The following ZFHX3 variants were observed in gnomAD, a reference collection of about 807,000 sequenced individuals.
ZFHX3 encodes the protein zinc finger homeobox protein 3.
In ZFHX3, 42 loss-of-function variants were observed where a neutral mutation model predicts 279.1. The ratio of observed to expected loss-of-function variants is 0.15; its 90% CI spans 0.12 to 0.19. ZFHX3 has a LOEUF of 0.19. Among genes scored for constraint, ZFHX3 ranks in the 10% least tolerant of loss-of-function variants. ZFHX3 has a pLI of 1.00. For missense variants in ZFHX3, 4,981 were observed against 4,754.0 expected, an observed-to-expected ratio of 1.05 and a Z score of -1.40; for synonymous variants, 2,293 against 1,957.8, an observed-to-expected ratio of 1.17 and a Z score of -4.52.
intron 7 of ZFHX3, among the ~76,000 whole-genome samples, chr16:73,105,826 C>G (rs1966296654): frequency 6.6e-6 from 1 of 152,054 alleles, no homozygotes; most frequent in South Asian, 2.1e-4. Context: ...CTTTCCAAGT[C>G]AAAAATTCTT....
intron 5 of ZFHX3, among the ~76,000 whole-genome samples, chr16:73,242,926 C>T (rs527368062): frequency 4.6e-5 from 7 of 152,128 alleles, no homozygotes; most frequent in African/African-American, 1.2e-4. Context: ...TAATGAATCA[C>T]GAGGCATTTG....
chr16:73,385,777 G>T (rs2016891584), intron 3 of ZFHX3, among the ~76,000 whole-genome samples: 1 of 152,222 alleles, frequency 6.6e-6, no homozygotes, highest in Non-Finnish European at 1.5e-5. Flanking sequence ...GCCTGGGCAG[G>T]ATGGCTTGCT....
At chr16:73,626,870 T>A (rs2052421926) in intron 2 of ZFHX3, among the ~76,000 whole-genome samples, 1 of 152,152 alleles carries the variant, frequency 6.6e-6, no homozygotes, top group Admixed American at 6.6e-5. Flanking sequence ...ATAATCTCCC[T>A]CAATGTTCAG....
chr16:72,872,759 T>C (rs1486175399), intron 4 of ZFHX3, among the ~76,000 whole-genome samples: 3 of 152,160 alleles, frequency 2.0e-5, no homozygotes, highest in Non-Finnish European at 2.9e-5. Flanking sequence ...TGCCTGGCCA[T>C]GTATTTGTTT....
chr16:73,457,814 A>G (rs552305259), intron 2 of ZFHX3, among the ~76,000 whole-genome samples: 21 of 152,314 alleles, frequency 1.4e-4, no homozygotes, highest in African/African-American at 5.1e-4. Context: ...AGAGAGTCAT[A>G]CCTACTTCAT....
At chr16:73,007,838 G>A (rs1963768884) in intron 1 of ZFHX3, among the ~76,000 whole-genome samples, 1 of 152,038 alleles carries the variant, frequency 6.6e-6, no homozygotes, top group African/African-American at 2.4e-5. Context: ...CATGTCACTG[G>A]GATTTTCAAA....
rs182066497 is a variant in ZFHX3 at position 73,277,783 on chromosome 16, C to T, written c.-1193-20647G>A. On this transcript the variant is annotated intron_variant, in intron 4 of 17. Coordinates refer to the ZFHX3 transcript ENST00000641206. ...AAAGAAAAGAGGTTTAGTTGGCTCACGGTTCTGCAGGCTGTACAGGAAATA... is the reference window on the plus strand; with the variant it reads ...AAAGAAAAGAGGTTTAGTTGGCTCATGGTTCTGCAGGCTGTACAGGAAATA... Among the ~76,000 whole-genome samples, 196 of 152,250 alleles carry T rather than the reference C, an allele frequency of 1.3e-3. 1 individual carries two copies. The highest frequency in any genetic ancestry group is 4.3e-3 in the African/African-American group (177 of 41,556).
At chr16:73,353,885 G>C (rs1389925945) in intron 3 of ZFHX3, among the ~76,000 whole-genome samples, 1 of 152,124 alleles carries the variant, frequency 6.6e-6, no homozygotes, top group African/African-American at 2.4e-5. Flanking sequence ...ATAACGACAG[G>C]TAACATTTAT....
intron 1 of ZFHX3, among the ~76,000 whole-genome samples, chr16:73,784,573 C>T (rs1959577007): frequency 6.6e-6 from 1 of 151,566 alleles, no homozygotes; most frequent in Non-Finnish European, 1.5e-5. Context: ...ATGGTGAAAC[C>T]CCATCTCTAC....
chr16:72,949,959 T>C (rs1350532414), intron 3 of ZFHX3, among the ~76,000 whole-genome samples: 1 of 126,878 alleles, frequency 7.9e-6, no homozygotes, highest in Non-Finnish European at 1.6e-5. Context: ...TGTGAACAAA[T>C]GCCCAGAACA....
chr16:72,970,667 C>A (rs944790749), intron 1 of ZFHX3, among the ~76,000 whole-genome samples: 2 of 152,206 alleles, frequency 1.3e-5, no homozygotes, highest in Non-Finnish European at 2.9e-5. Flanking sequence ...CCGGCTAAAC[C>A]GGACACCTTC....
chr16:73,049,496 G>A (rs1242606618), upstream of ZFHX3, among the ~76,000 whole-genome samples: 1 of 152,252 alleles, frequency 6.6e-6, no homozygotes, highest in South Asian at 2.1e-4. Context: ...TTTGCACAAT[G>A]TAAGTTGGGT....
intron 8 of ZFHX3, among the ~76,000 whole-genome samples, chr16:73,076,815 A>C (rs1019739843): frequency 6.6e-6 from 1 of 152,164 alleles, no homozygotes; most frequent in African/African-American, 2.4e-5. Context: ...ATGTGAACAC[A>C]CAGTATGTGA....
chr16:73,424,387 T>A (rs1039029874), intron 3 of ZFHX3, among the ~76,000 whole-genome samples: 1 of 152,170 alleles, frequency 6.6e-6, no homozygotes, highest in African/African-American at 2.4e-5. Flanking sequence ...TAGCTTTTGC[T>A]CTTCCAGGGG....
chr16:73,209,991 A>G (rs1343132512), intron 5 of ZFHX3, among the ~76,000 whole-genome samples: 1 of 152,164 alleles, frequency 6.6e-6, no homozygotes, highest in Non-Finnish European at 1.5e-5. Flanking sequence ...ACACATATGT[A>G]CACACATTTG....
rs368112344 is a variant in ZFHX3 at position 73,395,274 on chromosome 16, G to A, written c.-1291+60729C>T. On this transcript the variant is annotated intron_variant, in intron 3 of 17. Coordinates refer to the ZFHX3 transcript ENST00000641206. The stretch of plus-strand genomic sequence containing the variant: ...CTGTCAGGAGTTTGAGATGAGCCTG[G>A]CCAACATGGAGAAACCCTGTCTCTA... Among the ~76,000 whole-genome samples the A allele has an allele frequency of 2.4e-3, 369 of 152,288 alleles. 2 individuals carry two copies. Among genetic ancestry groups the A allele is most frequent in the Non-Finnish European group, 3.8e-3 (260 of 68,032 alleles).
intron 2 of ZFHX3, among the ~76,000 whole-genome samples, chr16:73,662,840 A>C (rs1222599711): frequency 6.6e-6 from 1 of 152,202 alleles, no homozygotes; most frequent in Non-Finnish European, 1.5e-5. Context: ...AGAAGAAGGC[A>C]AGCAAAGGGG....
At chr16:73,032,237 G>C (rs923833609) in intron 1 of ZFHX3, among the ~76,000 whole-genome samples, 5 of 152,142 alleles carry the variant, frequency 3.3e-5, no homozygotes, top group Non-Finnish European at 5.9e-5. Context: ...AGGAGATGGA[G>C]GTTGTAGTGA....
At chr16:73,498,742 C>T (rs372266579) in intron 2 of ZFHX3, among the ~76,000 whole-genome samples, 8 of 152,152 alleles carry the variant, frequency 5.3e-5, no homozygotes, top group African/African-American at 1.9e-4. Context: ...AAACCAAGGC[C>T]TCATCTGAGC....
Sources: allele counts gnomAD v4.1 joint callset (sites outside exome capture counted in the v4.1 genomes callset), GRCh38; gene constraint gnomAD v4.1.1; transcripts MANE v1.5; gene names NCBI Gene and HGNC (gene_info 2026-07-23, HGNC 2026-07-21).